MMEL1: variants seen among roughly 807,000 people sequenced by gnomAD.
MMEL1 encodes the protein membrane metalloendopeptidase like 1, also known as membrane metallo-endopeptidase-like 1.
MMEL1 carries 98 observed loss-of-function variants against 117.1 expected under a neutral mutation model. That is an observed-to-expected ratio of 0.84 (90% CI 0.71 to 0.99). The LOEUF (loss-of-function observed/expected upper bound fraction) is 0.99. Ranked by LOEUF, MMEL1 falls within the 50% of genes least tolerant of loss-of-function variation. MMEL1 has a pLI of 0.00. For synonymous variants in MMEL1, 390 were observed against 415.1 expected (o/e 0.94, Z 0.74); for missense variants, 1,014 against 1,049.1 (o/e 0.97, Z 0.46).
chr1:2,627,972 C>T (rs1638347816), intron 2 of MMEL1, among the ~76,000 whole-genome samples: 1 of 152,200 alleles, frequency 6.6e-6, no homozygotes, highest in Admixed American at 6.5e-5. Context: ...CAGGGAGGGT[C>T]TCTCTGGGAT....
Position 2,604,122 on chromosome 1 carries a change from TCCCCACCCGCCCC to T in MMEL1, c.951+12_951+24del. On this transcript the variant is annotated intron_variant, in intron 10 of 23. Transcript: ENST00000378412. ...GGCTCCCAGCCCACTCGCTGCCCGC[TCCCCACCCGCCCC>T]GGCCCCCTTACCTTGGCCAGCTGTG... 2 of 1,357,420 alleles carry T rather than the reference TCCCCACCCGCCCC, an allele frequency of 1.5e-6. No individual in the cohort carries two copies. The highest frequency in any genetic ancestry group is 2.1e-6 in the Non-Finnish European group (2 of 959,946). The allele number at this position is 1,357,420 out of a possible 1,614,324, so 84.1% of individuals were successfully genotyped here.
chr1:2,620,843 G>A (rs1645278644), intron 2 of MMEL1, among the ~76,000 whole-genome samples: 1 of 151,396 alleles, frequency 6.6e-6, no homozygotes, highest in South Asian at 2.1e-4. Context: ...AATTTTCCAG[G>A]TGACTGATGG....
chr1:2,626,347 G>C (rs990012639), intron 2 of MMEL1, among the ~76,000 whole-genome samples: 2 of 152,228 alleles, frequency 1.3e-5, no homozygotes, highest in African/African-American at 4.8e-5. Flanking sequence ...GTACGATAAA[G>C]AGAGAAGGGT....
chr1:2,605,227 C>G (rs1427391586), intron 9 of MMEL1, among the ~76,000 whole-genome samples: 5 of 152,190 alleles, frequency 3.3e-5, no homozygotes, highest in Non-Finnish European at 5.9e-5. Context: ...GCTGCCTGCA[C>G]TCAGATCTCC....
Position 2,612,132 on chromosome 1 carries a change from G to A in MMEL1, c.227C>T (p.Pro76Leu). The change falls in exon 3 of 24, where the codon CCC (proline) becomes CTC (leucine). Residue 76 changes from proline to leucine, a missense_variant. Coordinates refer to ENST00000378412, the MANE Select transcript of MMEL1 (RefSeq NM_033467.4). This position sits in a 1 kb window ranked among gnomAD's most constrained non-coding sequence, Gnocchi z 5.4. ...QEERTFVKRK[P>L]RGIPEAQEVS... ...GAAGGGAAGGCAAAGGCTACCTCGG[G>A]GTTTTCGTTTTACAAAGGTCCTCTC... The A allele has an allele frequency of 6.3e-7, 1 of 1,578,274 alleles. No individual in the cohort carries two copies. Among genetic ancestry groups the A allele is most frequent in the Non-Finnish European group, 8.6e-7 (1 of 1,160,706 alleles).
intron 11 of MMEL1, among the ~76,000 whole-genome samples, chr1:2,600,395 T>C (rs1199255823): frequency 6.6e-6 from 1 of 151,874 alleles, no homozygotes; most frequent in African/African-American, 2.4e-5. Flanking sequence ...CAGTAAGAAC[T>C]GAAAGAGAAT....
Position 2,598,684 on chromosome 1 carries a change from A to G in MMEL1, c.1148T>C (p.Leu383Pro). The G allele has an allele frequency of 3.1e-6, 5 of 1,614,106 alleles. 1 individual carries two copies. Among genetic ancestry groups the G allele is most frequent in the South Asian group, 2.2e-5 (2 of 91,084 alleles). Reference sequence around the variant, plus strand: ...TGAGTAGGTGTCGATGATGTTTTCAAGGTTCTGCAGGTAGGGGATGCCATA... The same window carrying G: ...TGAGTAGGTGTCGATGATGTTTTCAGGGTTCTGCAGGTAGGGGATGCCATA... ...VVYGIPYLQN[L>P]ENIIDTYSAR... Residue 383 changes from leucine (L) to proline (P), a missense_variant, in exon 12 of 24, where the codon CTT (leucine) becomes CCT (proline). Transcript: ENST00000378412.
chr1:2,626,741 A>G (rs1435708999), intron 2 of MMEL1, among the ~76,000 whole-genome samples: 1 of 152,258 alleles, frequency 6.6e-6, no homozygotes, highest in East Asian at 1.9e-4. Context: ...TTTAAAAATA[A>G]TTAAAACAAA....
intron 1 of MMEL1, among the ~76,000 whole-genome samples, chr1:2,630,864 T>G (rs1363062932): frequency 1.3e-5 from 2 of 151,048 alleles, no homozygotes; most frequent in African/African-American, 2.4e-5. Context: ...GCGTGTACTC[T>G]CGTGTGTGCA....
At chr1:2,604,117 CCCGCT>C in intron 10 of MMEL1, 25 bp downstream of exon 10, 3 of 1,517,568 alleles carry the variant, frequency 2.0e-6, no homozygotes, top group Non-Finnish European at 2.7e-6. Flanking sequence ...CCACTCGCTG[CCCGCT>C]CCCCACCCGC....
intron 9 of MMEL1, among the ~76,000 whole-genome samples, chr1:2,605,354 G>A (rs1315541347): frequency 1.3e-5 from 2 of 152,134 alleles, no homozygotes; most frequent in East Asian, 1.9e-4. Flanking sequence ...GGCCTGGCCC[G>A]GGTGTTGAGG....
rs1645143846 is a variant in MMEL1, at chr1:2,612,320, C to T, written c.155-116G>A. On this transcript the variant is annotated intron_variant, in intron 2 of 23. Coordinates refer to ENST00000378412, the MANE Select transcript of MMEL1 (RefSeq NM_033467.4). This position sits in a 1 kb window ranked among gnomAD's most constrained non-coding sequence, Gnocchi z 5.4. ...CACAGTGCTGGGTGCTGCAGCCCTACCCCTGTAGTGAGGGCTGGTCCCCAG... is the reference window on the plus strand; with the variant it reads ...CACAGTGCTGGGTGCTGCAGCCCTATCCCTGTAGTGAGGGCTGGTCCCCAG... The T allele has an allele frequency of 2.5e-6, 2 of 810,750 alleles. No individual in the cohort carries two copies. The highest frequency in any genetic ancestry group is 2.3e-5 in the Admixed American group (1 of 43,272). 50.2% of individuals were successfully genotyped at this position (810,750 alleles called of 1,614,324 possible).
chr1:2,601,963 CAG>C (rs113131975), intron 11 of MMEL1, among the ~76,000 whole-genome samples: 6,975 of 152,342 alleles, frequency 0.046, 309 homozygotes, highest in African/African-American at 0.11. Context: ...TGGGGAAAGA[CAG>C]TGCCTGTTAC....
chr1:2,596,606 G>T lies in MMEL1; in HGVS notation c.1356C>A (p.Gly452=). 6.2e-7 allele frequency: 1 copy of T among 1,612,892 alleles called. No individual in the cohort carries two copies. ...GGAACGCCTCCCTGACGTAGAGGGA[G>T]CCCACGGCGTTCTCCATGTTGCTGT... The part of the protein sequence containing the change: ...YVNSNMENAV[G]SLYVREAFPG... Residue 452 remains glycine (G), a synonymous_variant, in exon 14 of 24, where the codon GGC becomes GGA. Transcript: ENST00000378412.
At chr1:2,621,803 C>T (rs1645294192) in intron 2 of MMEL1, among the ~76,000 whole-genome samples, 1 of 152,114 alleles carries the variant, frequency 6.6e-6, no homozygotes, top group African/African-American at 2.4e-5. Flanking sequence ...TTCAGGTGAT[C>T]CACCTACCTT....
chr1:2,609,909 T>G, intron 4 of MMEL1, 78 bp from the exon 5 acceptor site: 1 of 1,482,682 alleles, frequency 6.7e-7, no homozygotes, highest in Non-Finnish European at 9.1e-7. Context: ...TGTCTCCCGG[T>G]CCAAGACACA....
rs891128607 is a variant in MMEL1, at chr1:2,595,701, TC to T, written c.1500+307del. On this transcript the variant is annotated intron_variant, in intron 15 of 23. Transcript: ENST00000378412. This position sits in a 1 kb window ranked among gnomAD's most constrained non-coding sequence, Gnocchi z 4.8. ...AGCTTCTGGTGGGTCTGACCCTTGCTCCCGAGGCCACCGCTACCCCCGCTGG... is the reference window on the plus strand; with the variant it reads ...AGCTTCTGGTGGGTCTGACCCTTGCTCCGAGGCCACCGCTACCCCCGCTGG... Among the ~76,000 whole-genome samples the T allele has an allele frequency of 1.1e-4, 16 of 152,060 alleles. No individual in the cohort carries two copies. The highest frequency in any genetic ancestry group is 3.9e-4 in the African/African-American group (16 of 41,400).
rs375953913 is a variant in MMEL1, at chr1:2,592,723, G to A, written c.2002-3C>T. ...CCAAGGGTGTTGAATCCGTTCACCT[G>A]CGCACAGGAGACAGGATTGGGGCAG... On this transcript the variant is annotated splice_polypyrimidine_tract_variant and splice_region_variant and intron_variant, in intron 20 of 23. Coordinates refer to ENST00000378412, the MANE Select transcript of MMEL1 (RefSeq NM_033467.4). The A allele has an allele frequency of 6.2e-7, 1 of 1,611,824 alleles. No individual in the cohort carries two copies. Among genetic ancestry groups the A allele is most frequent in the Non-Finnish European group, 8.5e-7 (1 of 1,179,256 alleles).
intron 4 of MMEL1, 57 bp from the exon 5 acceptor site, chr1:2,609,888 G>A: frequency 6.5e-7 from 1 of 1,535,412 alleles, no homozygotes; most frequent in Non-Finnish European, 8.8e-7. Context: ...GTTGTGGACA[G>A]CCCAGAAGCC....
Sources: allele counts gnomAD v4.1 joint callset (sites outside exome capture counted in the v4.1 genomes callset), GRCh38; gene constraint gnomAD v4.1.1; non-coding constraint Gnocchi (gnomAD v3.1); transcripts MANE v1.5; gene names NCBI Gene and HGNC (gene_info 2026-07-23, HGNC 2026-07-21).